Variants in GALNT7 observed in about 807,000 individuals in gnomAD.
GALNT7 encodes polypeptide N-acetylgalactosaminyltransferase 7.
In GALNT7, 60 loss-of-function variants were observed where a neutral mutation model predicts 82.1. That is an observed-to-expected ratio of 0.73 (90% CI 0.59 to 0.91). The LOEUF is 0.91. Ranked by LOEUF, GALNT7 falls within the 40% of genes least tolerant of loss-of-function variation. GALNT7 has a pLI of 0.00. For missense variants in GALNT7, 660 were observed against 804.2 expected, an observed-to-expected ratio of 0.82 and a Z score of 2.17; for synonymous variants, 243 against 275.1, an observed-to-expected ratio of 0.88 and a Z score of 1.15.
At position 173,198,885 on chromosome 4, in the gene GALNT7, T is replaced by G. The variant is rs938314840; in HGVS notation, c.126+29924T>G. 3.3e-5 allele frequency among the ~76,000 whole-genome samples: 5 copies of G among 152,130 alleles called. No individual in the cohort carries two copies. In the South Asian group the frequency reaches 6.2e-4, roughly 19 times the overall value. ...ATTCTGGGTGAGAAGTGAGAGCTAT[T>G]TCAGATCAGATGGTCATAAAAGGCC... On this transcript the variant is annotated intron_variant, in intron 1 of 11. Coordinates refer to ENST00000265000, the MANE Select transcript of GALNT7 (RefSeq NM_017423.3).
chr4:173,197,113 G>A (rs1314265444), intron 1 of GALNT7, among the ~76,000 whole-genome samples: 2 of 136,788 alleles, frequency 1.5e-5, no homozygotes, highest in Non-Finnish European at 3.1e-5. Context: ...CTATCATTTG[G>A]GGTTGTCAAG....
At chr4:173,225,753 A>T (rs1733806025) in intron 1 of GALNT7, among the ~76,000 whole-genome samples, 1 of 152,180 alleles carries the variant, frequency 6.6e-6, no homozygotes, top group Non-Finnish European at 1.5e-5. Flanking sequence ...GCGCACTCTG[A>T]GATTGAGATT....
intron 1 of GALNT7, among the ~76,000 whole-genome samples, chr4:173,186,750 G>C (rs1732472968): frequency 6.6e-6 from 1 of 152,002 alleles, no homozygotes; most frequent in African/African-American, 2.4e-5. Flanking sequence ...TTCTCAAATG[G>C]GGAAAGAGGA....
At chr4:173,193,543 C>T (rs1023976823) in intron 1 of GALNT7, among the ~76,000 whole-genome samples, 3 of 151,946 alleles carry the variant, frequency 2.0e-5, no homozygotes, top group Admixed American at 6.6e-5. Flanking sequence ...TTTGTATAAC[C>T]GTAAAATTAT....
At chr4:173,231,482 G>C (rs1014478994) in intron 1 of GALNT7, among the ~76,000 whole-genome samples, 3 of 152,118 alleles carry the variant, frequency 2.0e-5, no homozygotes. Flanking sequence ...ACAGGCCAGG[G>C]TTCAAACCTA....
At chr4:173,178,070 CACAG>C (rs1191784389) in intron 1 of GALNT7, among the ~76,000 whole-genome samples, 7 of 148,058 alleles carry the variant, frequency 4.7e-5, no homozygotes, top group African/African-American at 1.5e-4. Context: ...CGCGCGTGCG[CACAG>C]ACACCTATGT....
At chr4:173,304,843 A>G (rs1321266552) in intron 8 of GALNT7, among the ~76,000 whole-genome samples, 1 of 151,898 alleles carries the variant, frequency 6.6e-6, no homozygotes, top group Non-Finnish European at 1.5e-5. Flanking sequence ...TGCAAGTGAC[A>G]GGATTTTTTT....
At position 173,256,210 on chromosome 4, in the gene GALNT7, T is replaced by G. The variant is rs141361344; in HGVS notation, c.587+7770T>G. On this transcript the variant is annotated intron_variant, in intron 2 of 11. Transcript: ENST00000265000. ...CACTCACTGTAGTTGCCGCTATATTTAGCTGTCTGAAGAAGCTGCACGTGC... is the reference window on the plus strand; with the variant it reads ...CACTCACTGTAGTTGCCGCTATATTGAGCTGTCTGAAGAAGCTGCACGTGC... Among the ~76,000 whole-genome samples, 11 of 152,332 alleles carry G rather than the reference T, an allele frequency of 7.2e-5. No individual in the cohort carries two copies. The East Asian group carries it at 2.1e-3, about 29-fold the overall frequency.
intron 1 of GALNT7, among the ~76,000 whole-genome samples, chr4:173,180,569 C>G (rs1732212068): frequency 6.6e-6 from 1 of 152,126 alleles, no homozygotes; most frequent in African/African-American, 2.4e-5. Context: ...CTCAGGTGAT[C>G]CGCCTGCCTT....
At chr4:173,178,625 A>C (rs532058136) in intron 1 of GALNT7, among the ~76,000 whole-genome samples, 1 of 152,358 alleles carries the variant, frequency 6.6e-6, no homozygotes, top group East Asian at 1.9e-4. Context: ...GAAGCATTTA[A>C]ACATGCCGAC....
intron 1 of GALNT7, among the ~76,000 whole-genome samples, chr4:173,199,800 A>G (rs1005644232): frequency 6.6e-6 from 1 of 152,182 alleles, no homozygotes; most frequent in African/African-American, 2.4e-5. Context: ...TTGAGGTAGG[A>G]TGGAATAAAT....
rs373823508 is a variant in GALNT7, at chr4:173,321,707, A to T, written c.1964A>T (p.His655Leu). The change falls in exon 12 of 12, where the codon CAT becomes CTT. Residue 655 changes from histidine to leucine, a missense_variant. Transcript: ENST00000265000. ...CAAAAATGGGAAATGAATAACATCCATAGTGTTTAGAGAGAAAAAAATAAA... is the reference window on the plus strand; with the variant it reads ...CAAAAATGGGAAATGAATAACATCCTTAGTGTTTAGAGAGAAAAAAATAAA... ...TTQKWEMNNI[H>L]SV is the part of the protein sequence containing the mutation. The T allele has an allele frequency of 1.2e-6, 2 of 1,607,798 alleles. No individual in the cohort carries two copies. The highest frequency in any genetic ancestry group is 1.1e-5 in the South Asian group (1 of 90,944).
At position 173,314,016 on chromosome 4, in the gene GALNT7, G is replaced by T. The variant is rs1341518754; in HGVS notation, c.1448G>T (p.Ser483Ile). Residue 483 changes from serine (S) to isoleucine (I), a missense_variant, in exon 9 of 12, where the codon AGT (serine) becomes ATT (isoleucine). Ser to Ile is a moderately radical substitution (Grantham distance 142, BLOSUM62 -2). This residue lies in a region of GALNT7 where 527 missense variants were observed against 683.5 expected (regional missense o/e 0.77). Coordinates refer to ENST00000265000, the MANE Select transcript of GALNT7 (RefSeq NM_017423.3). ...GAATATAAAGACTACTTCTATGCTAGTCGTCCTGAATCGCAGGCATTACCA... is the reference window on the plus strand; with the variant it reads ...GAATATAAAGACTACTTCTATGCTATTCGTCCTGAATCGCAGGCATTACCA... ...WDEYKDYFYA[S>I]RPESQALPYG... 19 of 1,610,620 alleles carry T rather than the reference G, an allele frequency of 1.2e-5. No homozygotes were observed. The highest frequency in any genetic ancestry group is 1.6e-5 in the Non-Finnish European group (19 of 1,177,122).
intron 8 of GALNT7, 121 bp downstream of exon 8, chr4:173,304,239 A>C: frequency 4.2e-6 from 3 of 712,522 alleles, no homozygotes; most frequent in Non-Finnish European, 4.6e-6. Flanking sequence ...GTTGATTCTC[A>C]CCTTTAACTT....
intron 5 of GALNT7, among the ~76,000 whole-genome samples, chr4:173,297,144 G>C (rs1736744392): frequency 6.6e-6 from 1 of 151,760 alleles, no homozygotes; most frequent in East Asian, 1.9e-4. Flanking sequence ...CCAAATATAA[G>C]AGATTTTTTG....
chr4:173,279,045 AT>A (rs1181521807), intron 2 of GALNT7, among the ~76,000 whole-genome samples: 2 of 152,204 alleles, frequency 1.3e-5, no homozygotes, highest in African/African-American at 4.8e-5. Context: ...CAGTCTATTG[AT>A]TCTGATAACT....
chr4:173,274,499 T>G (rs973789836), intron 2 of GALNT7, among the ~76,000 whole-genome samples: 1 of 152,114 alleles, frequency 6.6e-6, no homozygotes, highest in Admixed American at 6.6e-5. Context: ...CAAATTAGAG[T>G]CAAAGGATTC....
rs377262941 is a variant in GALNT7 at position 173,248,145 on chromosome 4, C to A, written c.292C>A (p.His98Asn). The A allele has an allele frequency of 6.2e-7, 1 of 1,613,874 alleles. No homozygotes were observed. The highest frequency in any genetic ancestry group is 1.1e-5 in the South Asian group (1 of 91,086). The change falls in exon 2 of 12, where the codon CAT (histidine) becomes AAT (asparagine). Residue 98 changes from histidine (H) to asparagine (N), a missense_variant. His to Asn is a moderately conservative substitution (Grantham distance 68). Around this residue, in one of 2 missense-constraint regions of GALNT7, gnomAD observed 133 missense variants for 120.7 expected, o/e 1.10. Transcript: ENST00000265000. ...CAAGGCCAAAAATGAACAAGAGCAC[C>A]ATGCTGGAGGAGATTCCCAGAAAGA... is the stretch of plus-strand genomic sequence containing the variant. Reference protein sequence around the residue: ...INKAKNEQEHHAGGDSQKDIM... With the variant: ...INKAKNEQEHNAGGDSQKDIM...
chr4:173,187,845 C>A (rs1337929182), intron 1 of GALNT7, among the ~76,000 whole-genome samples: 1 of 152,138 alleles, frequency 6.6e-6, no homozygotes, highest in Admixed American at 6.5e-5. Flanking sequence ...TTTCTCTTTT[C>A]TTTCTCCTGA....
Sources: allele counts gnomAD v4.1 joint callset (sites outside exome capture counted in the v4.1 genomes callset), GRCh38; gene constraint gnomAD v4.1.1; regional missense constraint gnomAD v4.1.1; transcripts MANE v1.5; gene names NCBI Gene and HGNC (gene_info 2026-07-23, HGNC 2026-07-21).